ZNF804B: variants seen among roughly 807,000 people sequenced by gnomAD.
ZNF804B encodes zinc finger 804B.
ZNF804B carries 80 observed loss-of-function variants against 101.4 expected under a neutral mutation model. The ratio of observed to expected loss-of-function variants is 0.79; its 90% CI spans 0.66 to 0.95. The LOEUF is 0.95. ZNF804B is among the 40% of genes least tolerant of loss of function. ZNF804B has a pLI of 0.00. For missense variants in ZNF804B, 1,673 were observed against 1,561.9 expected (o/e 1.07, Z -1.20); for synonymous variants, 622 against 558.8 (o/e 1.11, Z -1.59).
intron 1 of ZNF804B, among the ~76,000 whole-genome samples, chr7:88,800,694 G>T (rs1321666144): frequency 2.4e-4 from 4 of 16,674 alleles, no homozygotes; most frequent in Non-Finnish European, 3.9e-4. Flanking sequence ...GATATGATTT[G>T]TGTGTGTGTG....
chr7:89,015,794 C>T (rs1788543232), intron 1 of ZNF804B, among the ~76,000 whole-genome samples: 2 of 152,176 alleles, frequency 1.3e-5, no homozygotes, highest in African/African-American at 2.4e-5. Context: ...CCGCAATAAA[C>T]ATACGTGTGC....
chr7:89,230,598 G>A (rs1789177035), intron 2 of ZNF804B, among the ~76,000 whole-genome samples: 2 of 152,112 alleles, frequency 1.3e-5, no homozygotes, highest in Non-Finnish European at 2.9e-5. Context: ...ACAGAGCAGA[G>A]TAGAAATCCC....
intron 1 of ZNF804B, among the ~76,000 whole-genome samples, chr7:88,933,062 C>T (rs547449028): frequency 6.6e-6 from 1 of 151,590 alleles, no homozygotes; most frequent in African/African-American, 2.4e-5. Flanking sequence ...TATTAGCTAA[C>T]CAAATCCAAC....
rs957367931 is a variant in ZNF804B at position 89,333,852 on chromosome 7, T to C, written c.870T>C (p.Ser290=). The C allele has an allele frequency of 1.2e-6, 2 of 1,613,332 alleles. No individual in the cohort carries two copies. Among genetic ancestry groups the C allele is most frequent in the Non-Finnish European group, 1.7e-6 (2 of 1,179,734 alleles). ...ATATCTCACCAAGCCATCTGGAAAGTGTTTTACACAATACCATCTCCATAA... is the reference window on the plus strand; with the variant it reads ...ATATCTCACCAAGCCATCTGGAAAGCGTTTTACACAATACCATCTCCATAA... ...EVNISPSHLE[S]VLHNTISINS... The change falls in exon 4 of 4, where the codon AGT becomes AGC. Residue 290 remains serine, a synonymous_variant. Coordinates refer to ENST00000333190, the MANE Select transcript of ZNF804B (RefSeq NM_181646.5).
chr7:88,808,969 G>A (rs1790733417), intron 1 of ZNF804B, among the ~76,000 whole-genome samples: 1 of 152,106 alleles, frequency 6.6e-6, no homozygotes, highest in African/African-American at 2.4e-5. Flanking sequence ...GGCTAAGAAG[G>A]TAACCTCAAA....
At chr7:88,861,169 G>A (rs758645952) in intron 1 of ZNF804B, among the ~76,000 whole-genome samples, 9 of 152,180 alleles carry the variant, frequency 5.9e-5, no homozygotes, top group Admixed American at 2.6e-4. Flanking sequence ...GGTCCTTGTC[G>A]TTATGAGGAT....
chr7:89,247,028 T>C (rs922298838), intron 2 of ZNF804B, among the ~76,000 whole-genome samples: 1 of 152,116 alleles, frequency 6.6e-6, no homozygotes, highest in Non-Finnish European at 1.5e-5. Context: ...CTCCACTACA[T>C]GCCTGCACAG....
chr7:88,772,535 G>C (rs999124608), intron 1 of ZNF804B, among the ~76,000 whole-genome samples: 1 of 152,146 alleles, frequency 6.6e-6, no homozygotes, highest in East Asian at 1.9e-4. Flanking sequence ...TAGTACATAA[G>C]CATCCCTAAG....
intron 1 of ZNF804B, among the ~76,000 whole-genome samples, chr7:89,049,320 G>A (rs1313687456): frequency 1.3e-5 from 2 of 152,100 alleles, no homozygotes; most frequent in African/African-American, 4.8e-5. Flanking sequence ...TTATTAGCAC[G>A]ATTCACAACT....
At chr7:89,214,696 G>C (rs546559534) in intron 1 of ZNF804B, among the ~76,000 whole-genome samples, 2 of 152,272 alleles carry the variant, frequency 1.3e-5, no homozygotes, top group African/African-American at 4.8e-5. Flanking sequence ...ATAGCAATTT[G>C]TGATTATCAC....
Position 89,335,377 on chromosome 7 carries a change from C to T in ZNF804B, c.2395C>T (p.Arg799Cys), listed in dbSNP as rs750167828. 17 of 1,613,650 alleles carry T rather than the reference C, an allele frequency of 1.1e-5. No homozygotes were observed. Among genetic ancestry groups the T allele is most frequent in the Middle Eastern group, 3.3e-4 (2 of 6,058 alleles). ...ATTTAAAAATGAAAAATACTCAAAA[C>T]GTAGATATTGTCACTGCAGAGAAAG... ...ESFKNEKYSK[R>C]RYCHCRERQK... Residue 799 changes from arginine (R) to cysteine (C), a missense_variant, in exon 4 of 4, where the codon CGT becomes TGT. By Grantham distance (180) the Arg-to-Cys change is radical (BLOSUM62 -3). Coordinates refer to ENST00000333190, the MANE Select transcript of ZNF804B (RefSeq NM_181646.5).
At chr7:89,081,223 C>T (rs1789693196) in intron 1 of ZNF804B, among the ~76,000 whole-genome samples, 1 of 151,684 alleles carries the variant, frequency 6.6e-6, no homozygotes, top group Non-Finnish European at 1.5e-5. Context: ...TATTCAGTGC[C>T]AGGAATATAG....
At chr7:89,089,007 G>C (rs989722147) in intron 1 of ZNF804B, among the ~76,000 whole-genome samples, 1 of 148,928 alleles carries the variant, frequency 6.7e-6, no homozygotes, top group Non-Finnish European at 1.5e-5. Flanking sequence ...TTCTCTCCAT[G>C]TGCTCCTGGG....
intron 2 of ZNF804B, among the ~76,000 whole-genome samples, chr7:89,290,898 T>C (rs1790278244): frequency 6.6e-6 from 1 of 152,136 alleles, no homozygotes; most frequent in Non-Finnish European, 1.5e-5. Context: ...ACAGGGGTAC[T>C]ACAGTCACTC....
chr7:89,116,364 G>A (rs575928223), intron 1 of ZNF804B, among the ~76,000 whole-genome samples: 2 of 152,208 alleles, frequency 1.3e-5, no homozygotes, highest in East Asian at 1.9e-4. Context: ...GAAAATACAA[G>A]GTTGTTCAAT....
Position 88,895,288 on chromosome 7 carries a change from G to A in ZNF804B, c.108+135204G>A, listed in dbSNP as rs1392123705. Among the ~76,000 whole-genome samples the A allele has an allele frequency of 2.6e-5, 4 of 152,298 alleles. No homozygotes were observed. In the East Asian group the frequency reaches 7.7e-4, roughly 29 times the overall value. On this transcript the variant is annotated intron_variant, in intron 1 of 3. Coordinates refer to ENST00000333190, the MANE Select transcript of ZNF804B (RefSeq NM_181646.5). ...CAAATAAGTAAATGGGTGGCAGATG[G>A]TAGAAGCGAAGCTTCTCACTGTTAA... is the stretch of plus-strand genomic sequence containing the variant.
At chr7:88,825,408 A>G (rs186530444) in intron 1 of ZNF804B, among the ~76,000 whole-genome samples, 1 of 152,146 alleles carries the variant, frequency 6.6e-6, no homozygotes, top group East Asian at 1.9e-4. Flanking sequence ...AGCATCTAGT[A>G]TATGGAGAAC....
intron 1 of ZNF804B, among the ~76,000 whole-genome samples, chr7:89,048,617 A>G (rs1006000538): frequency 6.6e-6 from 1 of 151,918 alleles, no homozygotes; most frequent in Non-Finnish European, 1.5e-5. Flanking sequence ...AGTTACCTTA[A>G]TTAGGTAATT....
At position 88,985,776 on chromosome 7, in the gene ZNF804B, GA is replaced by G. The variant is rs1441092183; in HGVS notation, c.108+225695del. ...CAGGCAGAGTAACCATAGACTTTTTGAAAGGAGAAAAGTGTTCTATAACCAC... is the reference window on the plus strand; with the variant it reads ...CAGGCAGAGTAACCATAGACTTTTTGAAGGAGAAAAGTGTTCTATAACCAC... On this transcript the variant is annotated intron_variant, in intron 1 of 3. Transcript: ENST00000333190. Among the ~76,000 whole-genome samples, 11 of 152,170 alleles carry G rather than the reference GA, an allele frequency of 7.2e-5. No homozygotes were observed. In the East Asian group the frequency reaches 2.1e-3, roughly 29 times the overall value.
Sources: allele counts gnomAD v4.1 joint callset (sites outside exome capture counted in the v4.1 genomes callset), GRCh38; gene constraint gnomAD v4.1.1; transcripts MANE v1.5; gene names NCBI Gene and HGNC (gene_info 2026-07-23, HGNC 2026-07-21).